The following FAT3 variants were observed in gnomAD, a reference collection of about 807,000 sequenced individuals.
FAT3 encodes the protein FAT atypical cadherin 3.
Under a neutral mutation model 310.2 loss-of-function variants are expected in FAT3, and 95 were observed. The ratio of observed to expected loss-of-function variants is 0.31; its 90% CI spans 0.26 to 0.36. FAT3 has a LOEUF of 0.36. Among genes scored for constraint, FAT3 ranks in the 10% least tolerant of loss-of-function variants. The probability of loss-of-function intolerance (pLI) is 1.00; values close to 1 mark genes in which losing one functional copy is unlikely to be tolerated. For synonymous variants in FAT3, 2,314 were observed against 2,192.9 expected (o/e 1.06, Z -1.54); for missense variants, 5,408 against 5,715.6 (o/e 0.95, Z 1.74).
intron 4 of FAT3, among the ~76,000 whole-genome samples, chr11:92,705,901 G>GTT (rs1944325085): frequency 8.7e-5 from 3 of 34,512 alleles, no homozygotes; most frequent in Non-Finnish European, 1.9e-4. Context: ...GATGGTGGTG[G>GTT]TGATGGTGGT....
intron 3 of FAT3, among the ~76,000 whole-genome samples, chr11:92,649,725 G>T (rs2135753563): frequency 6.6e-6 from 1 of 152,174 alleles, no homozygotes; most frequent in South Asian, 2.1e-4. Context: ...TTTAAAGCCA[G>T]ATGGGTCTGC....
chr11:92,640,641 C>T (rs1417526228), intron 3 of FAT3, among the ~76,000 whole-genome samples: 3 of 152,186 alleles, frequency 2.0e-5, no homozygotes, highest in African/African-American at 4.8e-5. Flanking sequence ...AAATATTGAG[C>T]ACACTGCACT....
At chr11:92,424,107 G>T (rs1950583289) in intron 2 of FAT3, among the ~76,000 whole-genome samples, 1 of 152,044 alleles carries the variant, frequency 6.6e-6, no homozygotes, top group Admixed American at 6.6e-5. Flanking sequence ...TTTTTTTATT[G>T]TCCAAAGGCC....
At position 92,765,073 on chromosome 11, in the gene FAT3, G is replaced by C. The variant is rs1487631941; in HGVS notation, c.4179G>C (p.Leu1393=). Residue 1393 remains leucine (L), a synonymous_variant, in exon 6 of 28, where the codon CTG becomes CTC. Transcript: ENST00000525166. ...CTGTGCAGCCAGCTAACACCCCTCT[G>C]TGGTTTGACATAGTTGGTAAGTTCG... ...VVSVQPANTP[L]WFDIVGGNFD... is the part of the protein sequence containing the mutation. 1.9e-6 allele frequency: 3 copies of C among 1,612,636 alleles called. No homozygotes were observed. Among genetic ancestry groups the C allele is most frequent in the African/African-American group, 2.7e-5 (2 of 74,536 alleles).
At chr11:92,452,715 T>G (rs1951393802) in intron 2 of FAT3, among the ~76,000 whole-genome samples, 1 of 152,114 alleles carries the variant, frequency 6.6e-6, no homozygotes. Context: ...AGTGATTAAG[T>G]GTATCATAAG....
intron 3 of FAT3, among the ~76,000 whole-genome samples, chr11:92,619,118 C>G (rs1249752706): frequency 6.6e-6 from 1 of 152,046 alleles, no homozygotes; most frequent in Non-Finnish European, 1.5e-5. Flanking sequence ...GTCTTTTATT[C>G]TATTGAAATC....
At chr11:92,468,116 G>C (rs1228184974) in intron 2 of FAT3, among the ~76,000 whole-genome samples, 1 of 152,174 alleles carries the variant, frequency 6.6e-6, no homozygotes, top group Non-Finnish European at 1.5e-5. Flanking sequence ...CTTTGGGCCA[G>C]GTCGGGTTTA....
chr11:92,554,325 G>T (rs1954930369), intron 3 of FAT3, among the ~76,000 whole-genome samples: 2 of 151,702 alleles, frequency 1.3e-5, no homozygotes, highest in Middle Eastern at 3.2e-3. Flanking sequence ...AGCCAGGCGT[G>T]GTGGCAGGTG....
At chr11:92,323,094 G>T (rs1947668456) in intron 1 of FAT3, among the ~76,000 whole-genome samples, 1 of 152,178 alleles carries the variant, frequency 6.6e-6, no homozygotes, top group South Asian at 2.1e-4. Context: ...TGATCCATGG[G>T]CTGCATAGTG....
At chr11:92,656,398 A>G (rs899610342) in intron 3 of FAT3, among the ~76,000 whole-genome samples, 1 of 152,176 alleles carries the variant, frequency 6.6e-6, no homozygotes, top group Non-Finnish European at 1.5e-5. Context: ...TCAGCCTCCA[A>G]TGTATAGATG....
chr11:92,394,782 A>T (rs572550950), intron 2 of FAT3, among the ~76,000 whole-genome samples: 104 of 152,310 alleles, frequency 6.8e-4, no homozygotes, highest in African/African-American at 2.4e-3. Flanking sequence ...AATAGGAAAA[A>T]ATTTGTTATT....
intron 4 of FAT3, among the ~76,000 whole-genome samples, chr11:92,741,999 C>T (rs1186331856): frequency 6.6e-6 from 1 of 152,190 alleles, no homozygotes; most frequent in Middle Eastern, 3.2e-3. Flanking sequence ...AGGCCTTGTT[C>T]CTGATGCCTC....
chr11:92,411,145 T>A (rs1432813477), intron 2 of FAT3, among the ~76,000 whole-genome samples: 2 of 81,466 alleles, frequency 2.5e-5, no homozygotes, highest in Non-Finnish European at 5.4e-5. Context: ...ATTATATATA[T>A]AAATTATATA....
chr11:92,803,325 A>G lies in FAT3; in HGVS notation c.8896+1416A>G, dbSNP rs531592939. Among the ~76,000 whole-genome samples, 6 of 152,290 alleles carry G rather than the reference A, an allele frequency of 3.9e-5. No homozygotes were observed. The East Asian group carries it at 1.2e-3, about 29-fold the overall frequency. On this transcript the variant is annotated intron_variant, in intron 10 of 27. Coordinates refer to ENST00000525166, the MANE Select transcript of FAT3 (RefSeq NM_001367949.2). ...TTACTATTAGCAGTGCCAACCACCA[A>G]CTGATTTTAATTAGATTTAACTTTT...
intron 3 of FAT3, among the ~76,000 whole-genome samples, chr11:92,541,696 G>C (rs538808682): frequency 6.6e-6 from 1 of 152,224 alleles, no homozygotes; most frequent in South Asian, 2.1e-4. Context: ...ACTTGGGCAT[G>C]GTTAACACAG....
At chr11:92,313,229 G>T (rs1017282514) in intron 1 of FAT3, among the ~76,000 whole-genome samples, 1 of 152,122 alleles carries the variant, frequency 6.6e-6, no homozygotes, top group South Asian at 2.1e-4. Context: ...CCAGCTGAAT[G>T]CCACATAGGA....
At chr11:92,288,667 T>C (rs948397431) in intron 1 of FAT3, among the ~76,000 whole-genome samples, 1 of 152,150 alleles carries the variant, frequency 6.6e-6, no homozygotes, top group Non-Finnish European at 1.5e-5. Flanking sequence ...GACATGTGTT[T>C]GCCTATCTTG....
chr11:92,363,457 G>A (rs896148404), intron 2 of FAT3, among the ~76,000 whole-genome samples: 4 of 152,174 alleles, frequency 2.6e-5, no homozygotes, highest in African/African-American at 9.7e-5. Flanking sequence ...ATATTCAGAA[G>A]CACCAGAAAT....
chr11:92,412,732 T>TATATATACACACAC (rs1565296340), intron 2 of FAT3, among the ~76,000 whole-genome samples: 4 of 17,948 alleles, frequency 2.2e-4, no homozygotes, highest in Non-Finnish European at 3.5e-4. Flanking sequence ...TATATATATA[T>TATATATACACACAC]ATATATATAT....
Sources: gnomAD v4.1 joint callset for allele counts (sites outside exome capture counted in the v4.1 genomes callset) on GRCh38, gnomAD v4.1.1 for gene constraint, MANE v1.5 for transcripts, NCBI Gene and HGNC (gene_info 2026-07-23, HGNC 2026-07-21) for gene names.